TJP1: variants seen among roughly 807,000 people sequenced by gnomAD.
TJP1 encodes the protein tight junction protein 1, also known as tight junction protein ZO-1.
In TJP1, 43 loss-of-function variants were observed where a neutral mutation model predicts 194.2. The observed-to-expected ratio is 0.22, with a 90% CI of 0.17 to 0.29. TJP1 has a LOEUF of 0.29. Ranked by LOEUF, TJP1 falls within the 10% of genes least tolerant of loss-of-function variation. The pLI is 1.00. For synonymous variants in TJP1, 801 were observed against 779.0 expected, an observed-to-expected ratio of 1.03 and a Z score of -0.47; for missense variants, 1,971 against 2,185.7, an observed-to-expected ratio of 0.90 and a Z score of 1.96.
At chr15:29,775,497 T>C (rs2046957636) in intron 2 of TJP1, among the ~76,000 whole-genome samples, 1 of 152,062 alleles carries the variant, frequency 6.6e-6, no homozygotes, top group South Asian at 2.1e-4. Flanking sequence ...GGAAAAGGCA[T>C]TAAACTTGTG....
Position 29,953,140 on chromosome 15 carries a change from A to ATTTTTTTTTTTTTTTTT in TJP1, c.306+3075_306+3091dup, listed in dbSNP as rs71416442. On this transcript the variant is annotated intron_variant, in intron 2 of 28. Coordinates refer to the TJP1 transcript ENST00000356107. Reference sequence around the variant, plus strand: ...TTCCTTCTTTCATAAAAGAAGACAGATTTTTTTTTTTTTTTTTTTGCAACG... The same window carrying ATTTTTTTTTTTTTTTTT: ...TTCCTTCTTTCATAAAAGAAGACAGATTTTTTTTTTTTTTTTTTTTTTTTTTTTTTTTTTTTGCAACG... Among the ~76,000 whole-genome samples the ATTTTTTTTTTTTTTTTT allele has an allele frequency of 5.4e-4, 60 of 110,990 alleles. 4 individuals are homozygous for ATTTTTTTTTTTTTTTTT. Among genetic ancestry groups the ATTTTTTTTTTTTTTTTT allele is most frequent in the African/African-American group, 7.7e-4 (24 of 31,212 alleles). The allele number at this position is 110,990 out of a possible 152,430, so 72.8% of individuals were successfully genotyped here. A position where few individuals can be genotyped will look rare whatever the true frequency, so the allele number is the denominator to read the frequency against.
At chr15:29,823,883 T>G, upstream of TJP1, 1 of 151,186 alleles carries the variant, frequency 6.6e-6, no homozygotes, top group Non-Finnish European at 1.5e-5. Context: ...GTCAGGAGTT[T>G]GAGACCAGCC....
chr15:29,922,766 G>T (rs1428518977), intron 2 of TJP1, among the ~76,000 whole-genome samples: 2 of 152,020 alleles, frequency 1.3e-5, no homozygotes, highest in African/African-American at 4.8e-5. Context: ...AGCATAATGG[G>T]ATAATAAACA....
chr15:29,836,032 T>G (rs1010571401), intron 2 of TJP1, among the ~76,000 whole-genome samples: 4 of 152,178 alleles, frequency 2.6e-5, no homozygotes, highest in African/African-American at 9.6e-5. Flanking sequence ...CCTGTCTTTG[T>G]TGGGTATGAT....
At chr15:29,883,137 T>C (rs1487110827) in intron 2 of TJP1, among the ~76,000 whole-genome samples, 1 of 152,246 alleles carries the variant, frequency 6.6e-6, no homozygotes, top group African/African-American at 2.4e-5. Context: ...TTTGATTTTA[T>C]ACAACCCAAA....
chr15:29,752,345 T>G (rs1228084379), intron 8 of TJP1, among the ~76,000 whole-genome samples: 2 of 152,124 alleles, frequency 1.3e-5, no homozygotes, highest in Non-Finnish European at 2.9e-5. Context: ...TCAAGTGATC[T>G]TGCCCACCTT....
intron 8 of TJP1, 118 bp downstream of exon 8, chr15:29,761,021 G>A: frequency 1.6e-6 from 2 of 1,250,094 alleles, no homozygotes; most frequent in East Asian, 2.7e-5. Flanking sequence ...GAGAAAAACA[G>A]ATCTAATCTT....
intron 1 of TJP1, among the ~76,000 whole-genome samples, chr15:29,811,419 T>TTA (rs915626150): frequency 2.2e-5 from 2 of 92,636 alleles, no homozygotes; most frequent in Admixed American, 3.0e-4. Flanking sequence ...AGAGGGAGGA[T>TTA]TACTTGGGTG....
chr15:29,809,729 C>T (rs1186846214), intron 1 of TJP1, among the ~76,000 whole-genome samples: 1 of 152,000 alleles, frequency 6.6e-6, no homozygotes, highest in Non-Finnish European at 1.5e-5. Context: ...GCCTGCAATC[C>T]CAGCTACTCA....
At chr15:29,837,587 T>C (rs1312030019) in intron 2 of TJP1, among the ~76,000 whole-genome samples, 2 of 152,176 alleles carry the variant, frequency 1.3e-5, no homozygotes, top group Admixed American at 1.3e-4. Flanking sequence ...AAAGTCTCTA[T>C]TTGTTATTTA....
At position 29,770,426 on chromosome 15, in the gene TJP1, G is replaced by A. The variant is rs189220660; in HGVS notation, c.312+1638C>T. On this transcript the variant is annotated intron_variant, in intron 4 of 27. Transcript: ENST00000614355. ...CTAGCCTGGGTGACAGAGCGAAACC[G>A]TGTCTTAAAAAAACACAGCCTGTAA... Among the ~76,000 whole-genome samples, 122 of 147,710 alleles carry A rather than the reference G, an allele frequency of 8.3e-4. 1 individual carries two copies. The East Asian group carries it at 0.022, about 26-fold the overall frequency.
At chr15:29,907,812 GC>G (rs761865530) in intron 2 of TJP1, among the ~76,000 whole-genome samples, 42 of 151,324 alleles carry the variant, frequency 2.8e-4, no homozygotes, top group Non-Finnish European at 7.4e-5. Context: ...TTTTTCTTTT[GC>G]CTGGCAACCT....
chr15:29,729,529 C>G (rs1255194303), intron 15 of TJP1: 4 of 151,992 alleles, frequency 2.6e-5, no homozygotes, highest in Non-Finnish European at 5.9e-5. Flanking sequence ...AAAGATGTTA[C>G]TGAGGGTCGG....
intron 2 of TJP1, among the ~76,000 whole-genome samples, chr15:29,847,678 GGGAGGCTGAGGTA>G (rs1268791899): frequency 6.6e-6 from 1 of 152,070 alleles, no homozygotes; most frequent in Non-Finnish European, 1.5e-5. Context: ...CCAGCTGCTC[GGGAGGCTGAGGTA>G]GGAGAATGGT....
intron 2 of TJP1, among the ~76,000 whole-genome samples, chr15:29,842,998 T>C (rs1485850899): frequency 6.6e-6 from 1 of 152,110 alleles, no homozygotes; most frequent in Admixed American, 6.5e-5. Flanking sequence ...TTTTAAAAAG[T>C]CATTGCTATA....
intron 12 of TJP1, among the ~76,000 whole-genome samples, 185 bp from the exon 13 acceptor site, chr15:29,733,498 T>C (rs2043808889): frequency 6.6e-6 from 1 of 152,236 alleles, no homozygotes; most frequent in African/African-American, 2.4e-5. Context: ...AGTACTTCCA[T>C]TTTGCAGATG....
At position 29,704,191 on chromosome 15, in the gene TJP1, A is replaced by G. The variant is rs367707884; in HGVS notation, c.5183T>C (p.Phe1728Ser). The stretch of plus-strand genomic sequence containing the variant: ...CGAGGAGTCGGATGATTTTAGAGCA[A>G]AAGACCAACCGTCAGGAGTCATGGA... ...CASMTPDGWS[F>S]ALKSSDSSSG... The change falls in exon 27 of 28, where the codon TTT becomes TCT. Residue 1728 changes from phenylalanine (F) to serine (S), a missense_variant. Coordinates refer to ENST00000614355, the MANE Select transcript of TJP1 (RefSeq NM_001330239.4). 21 of 1,572,638 alleles carry G rather than the reference A, an allele frequency of 1.3e-5. No homozygotes were observed. The highest frequency in any genetic ancestry group is 1.3e-5 in the African/African-American group (1 of 74,444).
In TJP1 at chr15:29,708,713, T is replaced by C. The variant is rs1466182758; in HGVS notation, c.4696A>G (p.Lys1566Glu). The change falls in exon 25 of 28, where the codon AAA becomes GAA. Residue 1566 changes from lysine (K) to glutamate (E), a missense_variant. Lys to Glu is a moderately conservative substitution (Grantham distance 56, BLOSUM62 1). Coordinates refer to ENST00000614355, the MANE Select transcript of TJP1 (RefSeq NM_001330239.4). ...ETAHKPDLSS[K>E]TPTSPKTLVK... is the part of the protein sequence containing the mutation. ...AGAGTTTTTGGAGAAGTGGGAGTTT[T>C]TGAAGACAAGTCAGGTTTATGTGCA... is the stretch of plus-strand genomic sequence containing the variant. 1.2e-5 allele frequency: 19 copies of C among 1,614,146 alleles called. No individual in the cohort carries two copies. The highest frequency in any genetic ancestry group is 5.3e-5 in the African/African-American group (4 of 74,956).
chr15:29,904,535 A>T (rs1479433000), intron 2 of TJP1, among the ~76,000 whole-genome samples: 2 of 152,088 alleles, frequency 1.3e-5, no homozygotes, highest in East Asian at 1.9e-4. Flanking sequence ...AACTATGGCA[A>T]TGGCTATAAA....
Sources: gnomAD v4.1 joint callset for allele counts (sites outside exome capture counted in the v4.1 genomes callset) on GRCh38, gnomAD v4.1.1 for gene constraint, MANE v1.5 for transcripts, NCBI Gene and HGNC (gene_info 2026-07-23, HGNC 2026-07-21) for gene names.